ARHGAP6: variants seen among roughly 807,000 people sequenced by gnomAD.
ARHGAP6 encodes rho GTPase-activating protein 6.
In ARHGAP6, 16 loss-of-function variants were observed where a neutral mutation model predicts 55.7. The ratio of observed to expected loss-of-function variants is 0.29; its 90% CI spans 0.19 to 0.44. The LOEUF is 0.44. Ranked by LOEUF, ARHGAP6 falls within the 20% of genes least tolerant of loss-of-function variation. The probability of loss-of-function intolerance (pLI) is 1.00; values close to 1 mark genes in which losing one functional copy is unlikely to be tolerated. For synonymous variants in ARHGAP6, 382 were observed against 360.9 expected (o/e 1.06, Z -0.66); for missense variants, 698 against 808.9 (o/e 0.86, Z 1.66).
chrX:11,435,660 A>G (rs2049980892), intron 1 of ARHGAP6, among the ~76,000 whole-genome samples: 1 of 112,097 alleles, frequency 8.9e-6, no homozygotes, highest in Non-Finnish European at 1.9e-5. Context: ...TGATGCAGAA[A>G]CTGAAACTCA....
At chrX:11,199,225 A>G (rs1488206520) in intron 2 of ARHGAP6, among the ~76,000 whole-genome samples, 1 of 112,007 alleles carries the variant, frequency 8.9e-6, no homozygotes, top group African/African-American at 3.2e-5. Flanking sequence ...GCTTGGGGTT[A>G]TTAGGAACAA....
chrX:11,665,054 G>C lies in ARHGAP6; in HGVS notation c.-226C>G, dbSNP rs183433751. On this transcript the variant is annotated 5_prime_UTR_variant, in exon 1 of 13. Transcript: ENST00000337414. Reference sequence around the variant, plus strand: ...CATCACCAGCCTTCTAGGAAAATGGGTCTGGGGACCTCCTGCAGCCGCTAG... The same window carrying C: ...CATCACCAGCCTTCTAGGAAAATGGCTCTGGGGACCTCCTGCAGCCGCTAG... The C allele has an allele frequency of 2.9e-3, 1,008 of 352,247 alleles. 8 individuals are homozygous for C. Among genetic ancestry groups the C allele is most frequent in the African/African-American group, 0.024 (875 of 36,699 alleles). The allele number at this position is 352,247 out of a possible 1,213,427, so 29.0% of individuals were successfully genotyped here. A position where few individuals can be genotyped will look rare whatever the true frequency, so the allele number is the denominator to read the frequency against.
At chrX:11,201,635 G>T (rs1481335071) in intron 2 of ARHGAP6, among the ~76,000 whole-genome samples, 2 of 111,891 alleles carry the variant, frequency 1.8e-5, no homozygotes, top group South Asian at 3.7e-4. Context: ...CCACATGGCT[G>T]GGGAGGCCTC....
intron 1 of ARHGAP6, among the ~76,000 whole-genome samples, chrX:11,282,025 T>C (rs1344917459): frequency 1.8e-5 from 2 of 112,069 alleles, no homozygotes; most frequent in Non-Finnish European, 3.8e-5. Context: ...TGTTAACAAT[T>C]GCTTCAAATT....
At chrX:11,176,544 C>G (rs1336774177) in intron 8 of ARHGAP6, among the ~76,000 whole-genome samples, 2 of 106,517 alleles carry the variant, frequency 1.9e-5, no homozygotes, top group Non-Finnish European at 3.9e-5. Context: ...TCGATTGGAA[C>G]TTTTGCTTTC....
chrX:11,508,173 T>G lies in ARHGAP6; in HGVS notation c.588+156068A>C, dbSNP rs1429824188. 2.1e-4 allele frequency among the ~76,000 whole-genome samples: 23 copies of G among 110,918 alleles called. No homozygotes were observed. The Admixed American group carries it at 2.2e-3, about 11-fold the overall frequency. ...TGAATTTTACATAAAAAATGAGTAT[T>G]TTTTTAAGAGTCGGAGTCTTGCTCT... On this transcript the variant is annotated intron_variant, in intron 1 of 12. Transcript: ENST00000337414.
intron 1 of ARHGAP6, among the ~76,000 whole-genome samples, chrX:11,465,251 A>G (rs2050281990): frequency 8.9e-6 from 1 of 111,970 alleles, no homozygotes; most frequent in Admixed American, 9.5e-5. Flanking sequence ...TGCCCTCTCA[A>G]TACTTGTATG....
At chrX:11,457,724 AG>A (rs1180218940) in intron 1 of ARHGAP6, among the ~76,000 whole-genome samples, 2 of 111,150 alleles carry the variant, frequency 1.8e-5, no homozygotes, top group Non-Finnish European at 3.8e-5. Flanking sequence ...AGGGGAGGTA[AG>A]GGCCCAGAAA....
chrX:11,139,295 C>T lies in ARHGAP6; in HGVS notation c.2493G>A (p.Glu831=). The T allele has an allele frequency of 8.4e-7, 1 of 1,186,870 alleles. No homozygotes were observed. Among genetic ancestry groups the T allele is most frequent in the Middle Eastern group, 2.3e-4 (1 of 4,326 alleles). ...TPHVQVAGKA[E]RPTARSEQYL... is the part of the protein sequence containing the mutation. ...ACTGCTCCGACCTGGCCGTGGGCCG[C>T]TCGGCTTTCCCTGCCACCTGGACGT... Residue 831 remains glutamate, a synonymous_variant, in exon 13 of 13, where the codon GAG becomes GAA. Transcript: ENST00000337414.
At chrX:11,409,544 A>G (rs992614750) in intron 1 of ARHGAP6, among the ~76,000 whole-genome samples, 1 of 112,317 alleles carries the variant, frequency 8.9e-6, no homozygotes, top group African/African-American at 3.2e-5. Flanking sequence ...GGGGACACAG[A>G]TTCTCAAGCA....
intron 10 of ARHGAP6, among the ~76,000 whole-genome samples, chrX:11,150,113 G>A (rs1363698372): frequency 9.0e-6 from 1 of 111,726 alleles, no homozygotes; most frequent in Non-Finnish European, 1.9e-5. Flanking sequence ...GAGTATAGAA[G>A]GGAAGATACT....
intron 2 of ARHGAP6, among the ~76,000 whole-genome samples, chrX:11,201,876 A>C (rs2046627069): frequency 9.0e-6 from 1 of 111,197 alleles, no homozygotes; most frequent in South Asian, 3.8e-4. Flanking sequence ...CTACAATACA[A>C]GATGAGAGTG....
At chrX:11,429,972 G>A (rs2049925936) in intron 1 of ARHGAP6, among the ~76,000 whole-genome samples, 1 of 111,928 alleles carries the variant, frequency 8.9e-6, no homozygotes, top group Non-Finnish European at 1.9e-5. Flanking sequence ...CTTCACTGTG[G>A]TCTATTCATA....
chrX:11,174,987 G>C (rs1286505585), intron 8 of ARHGAP6, among the ~76,000 whole-genome samples: 3 of 110,185 alleles, frequency 2.7e-5, no homozygotes, highest in Non-Finnish European at 5.7e-5. Context: ...CACCGCGCCT[G>C]GCCCGCCAAG....
chrX:11,622,473 A>G (rs959664093), intron 1 of ARHGAP6, among the ~76,000 whole-genome samples: 2 of 112,002 alleles, frequency 1.8e-5, no homozygotes, highest in African/African-American at 6.5e-5. Context: ...TGTACCAAAG[A>G]AACAGAAAGA....
chrX:11,427,275 G>A (rs1032495468), intron 1 of ARHGAP6, among the ~76,000 whole-genome samples: 1 of 112,296 alleles, frequency 8.9e-6, no homozygotes, highest in African/African-American at 3.2e-5. Flanking sequence ...AGGTGGTGGC[G>A]GAGTCCAGCC....
At chrX:11,439,884 T>G (rs761469178) in intron 1 of ARHGAP6, among the ~76,000 whole-genome samples, 2 of 112,972 alleles carry the variant, frequency 1.8e-5, no homozygotes, top group Non-Finnish European at 3.7e-5. Context: ...AATGTTCCCT[T>G]GTTGCATTTG....
intron 1 of ARHGAP6, among the ~76,000 whole-genome samples, chrX:11,624,608 G>T (rs995327597): frequency 3.6e-5 from 4 of 112,094 alleles, no homozygotes; most frequent in Non-Finnish European, 7.5e-5. Context: ...TCGCTTTGTC[G>T]CCCAGGCCGG....
intron 9 of ARHGAP6, among the ~76,000 whole-genome samples, chrX:11,158,891 A>G (rs200851119): frequency 8.9e-6 from 1 of 112,588 alleles, no homozygotes; most frequent in Non-Finnish European, 1.9e-5. Context: ...AGCTGGTAAC[A>G]AATATGGAAA....
Sources: gnomAD v4.1 joint callset for allele counts (sites outside exome capture counted in the v4.1 genomes callset) on GRCh38, gnomAD v4.1.1 for gene constraint, MANE v1.5 for transcripts, NCBI Gene and HGNC (gene_info 2026-07-23, HGNC 2026-07-21) for gene names.